Variants in IMPG2 observed in about 807,000 individuals in gnomAD.
IMPG2 encodes IPM 200.
IMPG2 carries 91 observed loss-of-function variants against 129.2 expected under a neutral mutation model. The observed-to-expected ratio is 0.70, with a 90% confidence interval of 0.59 to 0.84. The LOEUF (loss-of-function observed/expected upper bound fraction) is 0.84. Ranked by LOEUF, IMPG2 falls within the 40% of genes least tolerant of loss-of-function variation. IMPG2 has a pLI of 0.00. For missense variants in IMPG2, 1,430 were observed against 1,461.7 expected (o/e 0.98, Z 0.35); for synonymous variants, 510 against 517.7 (o/e 0.99, Z 0.20).
intron 4 of IMPG2, among the ~76,000 whole-genome samples, chr3:101,280,577 T>C (rs1457308618): frequency 6.6e-6 from 1 of 152,136 alleles, no homozygotes; most frequent in Non-Finnish European, 1.5e-5. Context: ...TATGAAATGC[T>C]AAACAAATAT....
chr3:101,276,808 G>T, intron 4 of IMPG2, 95 bp from the exon 5 acceptor site: 1 of 880,392 alleles, frequency 1.1e-6, no homozygotes, highest in Non-Finnish European at 1.9e-6. Context: ...GAAAGCACTA[G>T]ATCACCAAGT....
chr3:101,267,613 A>G lies in IMPG2; in HGVS notation c.888-82T>C, dbSNP rs576903368. On this transcript the variant is annotated intron_variant, in intron 8 of 18. Transcript: ENST00000193391. ...TCATTCATCAAAGTGCAAGTTATTC[A>G]TGTATTTCCTCTGAATTTCTTTGAA... is the stretch of plus-strand genomic sequence containing the variant. 20 of 1,142,970 alleles carry G rather than the reference A, an allele frequency of 1.7e-5. 1 individual carries two copies. The South Asian group carries it at 2.4e-4, about 14-fold the overall frequency. The allele number at this position is 1,142,970 out of a possible 1,614,324, so 70.8% of individuals were successfully genotyped here. A position where few individuals can be genotyped will look rare whatever the true frequency, so the allele number is the denominator to read the frequency against.
At chr3:101,289,628 A>T (rs1706983991) in intron 4 of IMPG2, among the ~76,000 whole-genome samples, 1 of 152,186 alleles carries the variant, frequency 6.6e-6, no homozygotes, top group Non-Finnish European at 1.5e-5. Flanking sequence ...GGCTGGGCAC[A>T]GGCCTAACTG....
intron 14 of IMPG2, among the ~76,000 whole-genome samples, chr3:101,237,161 C>G (rs2107212412): frequency 6.6e-6 from 1 of 152,310 alleles, no homozygotes; most frequent in East Asian, 1.9e-4. Flanking sequence ...CAGATTGCCT[C>G]TATAGATTCC....
intron 9 of IMPG2, among the ~76,000 whole-genome samples, chr3:101,265,262 G>C (rs1223694377): frequency 6.6e-6 from 1 of 151,940 alleles, no homozygotes; most frequent in Non-Finnish European, 1.5e-5. Flanking sequence ...AAATAACAAA[G>C]CTGATGATAT....
intron 2 of IMPG2, among the ~76,000 whole-genome samples, chr3:101,317,150 A>G (rs1210169884): frequency 6.6e-6 from 1 of 152,068 alleles, no homozygotes; most frequent in Non-Finnish European, 1.5e-5. Flanking sequence ...TAGGTTTATT[A>G]TCTTAACTAT....
At position 101,273,620 on chromosome 3, in the gene IMPG2, G is replaced by C. The variant is rs748143480; in HGVS notation, c.789C>G (p.Ser263Arg). 5.6e-6 allele frequency: 9 copies of C among 1,614,080 alleles called. No individual in the cohort carries two copies. In the South Asian group the frequency reaches 9.9e-5, roughly 18 times the overall value. The change falls in exon 7 of 19, where the codon AGC becomes AGG. Residue 263 changes from serine to arginine, a missense_variant. By Grantham distance (110) the Ser-to-Arg change is moderately radical. Coordinates refer to ENST00000193391, the MANE Select transcript of IMPG2 (RefSeq NM_016247.4). ...CTTCTTCAAGGTGCTGGTGGTGAAAGCTGGAGGAATCCTGTAGTTCTTCCC... is the reference window on the plus strand; with the variant it reads ...CTTCTTCAAGGTGCTGGTGGTGAAACCTGGAGGAATCCTGTAGTTCTTCCC... Reference protein sequence around the residue: ...QYREELQDSSSFHHQHLEEEF... With the variant: ...QYREELQDSSRFHHQHLEEEF...
rs1208332553 is a variant in IMPG2, at chr3:101,223,981, C to T, written c.*2988G>A. The T allele has an allele frequency of 2.0e-5, 3 of 152,134 alleles. No homozygotes were observed. Among genetic ancestry groups the T allele is most frequent in the Admixed American group, 1.3e-4 (2 of 15,278 alleles). The allele number at this position is 152,134 out of a possible 1,614,324, so 9.4% of individuals were successfully genotyped here. A position where few individuals can be genotyped will look rare whatever the true frequency, so the allele number is the denominator to read the frequency against. ...TGGTGACGGTGAAACCCCATCTCTA[C>T]TAAAAATATAAAAATTAGCTGGGCA... On this transcript the variant is annotated 3_prime_UTR_variant, in exon 19 of 19. Transcript: ENST00000193391.
In IMPG2 at chr3:101,244,511, T is replaced by G. The variant is rs1706452520; in HGVS notation, c.1820A>C (p.Gln607Pro). The change falls in exon 13 of 19, where the codon CAA becomes CCA. Residue 607 changes from glutamine to proline, a missense_variant. Gln to Pro is a moderately conservative substitution (Grantham distance 76). Coordinates refer to ENST00000193391, the MANE Select transcript of IMPG2 (RefSeq NM_016247.4). ...FDGGLGSGSGQKVDLITWPWS... is the reference protein window; with the variant it reads ...FDGGLGSGSGPKVDLITWPWS... Reference sequence around the variant, plus strand: ...TGGCCAAGTAATCAGATCTACCTTTTGCCCAGACCCTGAACCTAAACCACC... The same window carrying G: ...TGGCCAAGTAATCAGATCTACCTTTGGCCCAGACCCTGAACCTAAACCACC... 1 of 1,608,414 alleles carries G rather than the reference T, an allele frequency of 6.2e-7. No homozygotes were observed. The highest frequency in any genetic ancestry group is 1.3e-5 in the African/African-American group (1 of 74,720).
rs144558979 is a variant in IMPG2, at chr3:101,243,717, C to T, written c.2614G>A (p.Val872Ile). 1.9e-5 allele frequency: 30 copies of T among 1,613,926 alleles called. No individual in the cohort carries two copies. The African/African-American group carries it at 2.8e-4, about 15-fold the overall frequency. ...VGSYVEMSTSVHSTEMVSVAW... is the reference protein window; with the variant it reads ...VGSYVEMSTSIHSTEMVSVAW... ...ACACTAACCATCTCTGTGGAGTGAACACTTGTTGACATTTCCACATAACTA... is the reference window on the plus strand; with the variant it reads ...ACACTAACCATCTCTGTGGAGTGAATACTTGTTGACATTTCCACATAACTA... The change falls in exon 13 of 19, where the codon GTT (valine) becomes ATT (isoleucine). Residue 872 changes from valine to isoleucine, a missense_variant. By Grantham distance (29) the Val-to-Ile change is conservative (BLOSUM62 3). Transcript: ENST00000193391.
At position 101,246,117 on chromosome 3, in the gene IMPG2, A is replaced by T. The variant is rs768001995; in HGVS notation, c.1240-12T>A. The stretch of plus-strand genomic sequence containing the variant: ...TGAAAGGTATTATCCTGGGGGGAAA[A>T]AAAGGCTAAATCATATCATAGATAA... On this transcript the variant is annotated splice_polypyrimidine_tract_variant and intron_variant, in intron 11 of 18. Transcript: ENST00000193391. 2 of 1,613,226 alleles carry T rather than the reference A, an allele frequency of 1.2e-6. No individual in the cohort carries two copies. The highest frequency in any genetic ancestry group is 1.7e-6 in the Non-Finnish European group (2 of 1,179,708).
intron 2 of IMPG2, among the ~76,000 whole-genome samples, chr3:101,316,090 C>T (rs2058782696): frequency 6.6e-6 from 1 of 151,804 alleles, no homozygotes; most frequent in Non-Finnish European, 1.5e-5. Flanking sequence ...AACTTTGATC[C>T]ATATGTCATA....
intron 11 of IMPG2, among the ~76,000 whole-genome samples, chr3:101,252,306 A>G (rs1706553382): frequency 6.6e-6 from 1 of 152,178 alleles, no homozygotes; most frequent in Non-Finnish European, 1.5e-5. Context: ...GGATCCAGCT[A>G]GTCTCCAGTT....
chr3:101,256,124 G>C (rs981886458), intron 10 of IMPG2, among the ~76,000 whole-genome samples: 2 of 105,328 alleles, frequency 1.9e-5, no homozygotes, highest in Non-Finnish European at 3.9e-5. Flanking sequence ...GAAAAAGAAA[G>C]AGAGAAAGAA....
intron 3 of IMPG2, among the ~76,000 whole-genome samples, chr3:101,303,537 G>A (rs566567574): frequency 1.3e-5 from 2 of 152,298 alleles, no homozygotes; most frequent in South Asian, 2.1e-4. Context: ...TGCCACGTAC[G>A]TCTGGACAGT....
Position 101,226,740 on chromosome 3 carries a change from AATTT to A in IMPG2, c.*225_*228del. On this transcript the variant is annotated 3_prime_UTR_variant, in exon 19 of 19. Coordinates refer to ENST00000193391, the MANE Select transcript of IMPG2 (RefSeq NM_016247.4). ...ACTTTCCAGAGTTTACGTAGTTTTC[AATTT>A]ATTTAAACACAGCATTCAGTCTTTA... 1 of 522,812 alleles carries A rather than the reference AATTT, an allele frequency of 1.9e-6. No individual in the cohort carries two copies. Among genetic ancestry groups the A allele is most frequent in the African/African-American group, 1.9e-5 (1 of 51,836 alleles). The allele number at this position is 522,812 out of a possible 1,614,324, so 32.4% of individuals were successfully genotyped here. A position where few individuals can be genotyped will look rare whatever the true frequency, so the allele number is the denominator to read the frequency against.
At position 101,232,969 on chromosome 3, in the gene IMPG2, C is replaced by G. The variant is rs202156705; in HGVS notation, c.3045G>C (p.Lys1015Asn). 10 of 1,613,944 alleles carry G rather than the reference C, an allele frequency of 6.2e-6. No individual in the cohort carries two copies. The highest frequency in any genetic ancestry group is 3.3e-4 in the Middle Eastern group (2 of 6,082). ...CTGAAAATTCATTACAGGCCTGAAA[C>G]TTGCAAGGGTTGGCTTCATCACCTA... The part of the protein sequence containing the change: ...VESGDEANPC[K>N]FQACNEFSEC... Residue 1015 changes from lysine (K) to asparagine (N), a missense_variant, in exon 15 of 19, where the codon AAG (lysine) becomes AAC (asparagine). Transcript: ENST00000193391.
At position 101,253,775 on chromosome 3, in the gene IMPG2, C is replaced by A; in HGVS notation, c.1160G>T (p.Gly387Val). Residue 387 changes from glycine to valine, a missense_variant, in exon 11 of 19, where the codon GGA (glycine) becomes GTA (valine). Physicochemically the swap from Gly to Val is moderately radical, Grantham distance 109. Transcript: ENST00000193391. ...ATCTTCAGTTTGGTGACGCAAAACT[C>A]CTCTCACTGAGGAAAGAACAATATT... The part of the protein sequence containing the change: ...PDSLQLINVR[G>V]VLRHQTEDLV... 6.2e-7 allele frequency: 1 copy of A among 1,608,222 alleles called. No homozygotes were observed. Among genetic ancestry groups the A allele is most frequent in the Middle Eastern group, 1.7e-4 (1 of 6,048 alleles).
chr3:101,267,471 T>C (rs751312503), intron 9 of IMPG2, 40 bp downstream of exon 9: 1 of 1,575,884 alleles, frequency 6.3e-7, no homozygotes, highest in Non-Finnish European at 8.7e-7. Context: ...CTAAACTGTC[T>C]CCCAATTCAA....
Sources: allele counts gnomAD v4.1 joint callset (sites outside exome capture counted in the v4.1 genomes callset), GRCh38; gene constraint gnomAD v4.1.1; transcripts MANE v1.5; gene names NCBI Gene and HGNC (gene_info 2026-07-23, HGNC 2026-07-21).